KIF14: variants seen among roughly 807,000 people sequenced by gnomAD.
KIF14 encodes the protein kinesin family member 14, also known as kinesin-like protein KIF14.
KIF14 carries 98 observed loss-of-function variants against 176.2 expected under a neutral mutation model. The observed-to-expected ratio is 0.56, with a 90% CI of 0.47 to 0.66. The LOEUF (loss-of-function observed/expected upper bound fraction) is 0.66, where lower values mean the gene tolerates loss of function less well. KIF14 is among the 30% of genes least tolerant of loss of function. KIF14 has a pLI of 0.00. For synonymous variants in KIF14, 566 were observed against 632.2 expected (o/e 0.90, Z 1.57); for missense variants, 1,751 against 1,920.4 (o/e 0.91, Z 1.65).
In KIF14 at chr1:200,617,818, T is replaced by C. The variant is rs750703226; in HGVS notation, c.906A>G (p.Ser302=). The change falls in exon 2 of 30, where the codon TCA becomes TCG. Residue 302 remains serine (S), a synonymous_variant. Coordinates refer to ENST00000367350, the MANE Select transcript of KIF14 (RefSeq NM_014875.3). Reference sequence around the variant, plus strand: ...GGTTAGACATTCTATTCTTCAGTATTGATGGAGCTGGGCTCTTAAGCTGAG... The same window carrying C: ...GGTTAGACATTCTATTCTTCAGTATCGATGGAGCTGGGCTCTTAAGCTGAG... ...SLPQLKSPAP[S]ILKNRMSNLQ... 1 of 1,614,200 alleles carries C rather than the reference T, an allele frequency of 6.2e-7. No individual in the cohort carries two copies. The highest frequency in any genetic ancestry group is 8.5e-7 in the Non-Finnish European group (1 of 1,180,010).
Position 200,580,535 on chromosome 1 carries a change from A to G in KIF14, c.3336-152T>C, listed in dbSNP as rs1160367668. The G allele has an allele frequency of 3.2e-5, 12 of 377,928 alleles. No individual in the cohort carries two copies. In the East Asian group the frequency reaches 3.3e-4, roughly 10 times the overall value. The allele number at this position is 377,928 out of a possible 1,614,324, so 23.4% of individuals were successfully genotyped here. On this transcript the variant is annotated intron_variant, in intron 20 of 29. Coordinates refer to ENST00000367350, the MANE Select transcript of KIF14 (RefSeq NM_014875.3). Reference sequence around the variant, plus strand: ...GTATTTTTATTATAGTAATAATCATATAAGTATAAAACATATAAAAATAAC... The same window carrying G: ...GTATTTTTATTATAGTAATAATCATGTAAGTATAAAACATATAAAAATAAC...
At chr1:200,559,302 G>A in intron 27 of KIF14, 28 bp downstream of exon 27, 4 of 1,469,138 alleles carry the variant, frequency 2.7e-6, no homozygotes, top group Non-Finnish European at 3.7e-6. Context: ...ATTTAGTACT[G>A]TACAGAATAT....
At chr1:200,584,982 C>T (rs1245721008) in intron 19 of KIF14, among the ~76,000 whole-genome samples, 2 of 152,064 alleles carry the variant, frequency 1.3e-5, no homozygotes, top group African/African-American at 2.4e-5. Context: ...ATAAGCCAGA[C>T]ATAGAAAGAT....
intron 21 of KIF14, among the ~76,000 whole-genome samples, chr1:200,579,057 T>G (rs1004410152): frequency 1.3e-5 from 2 of 152,094 alleles, no homozygotes; most frequent in African/African-American, 4.8e-5. Flanking sequence ...GCCACTGCAC[T>G]CCAGCCTGGG....
At chr1:200,605,515 A>T (rs911621985) in intron 7 of KIF14, 125 bp from the exon 8 acceptor site, 9 of 575,560 alleles carry the variant, frequency 1.6e-5, no homozygotes, top group African/African-American at 5.8e-5. Context: ...TGATATAAAA[A>T]TTAAGAGAGA....
chr1:200,592,204 T>C lies in KIF14; in HGVS notation c.2689A>G (p.Arg897Gly). ...TGGACTTCTACTGGATGATTAAATC[T>C]AAAATAATGATCTCCACCAAGAATC... ...RVILGGDHYF[R>G]FNHPVEVQKG... Residue 897 changes from arginine to glycine, a missense_variant, in exon 16 of 30, where the codon AGA becomes GGA. By Grantham distance (125) the Arg-to-Gly change is moderately radical. Coordinates refer to ENST00000367350, the MANE Select transcript of KIF14 (RefSeq NM_014875.3). The C allele has an allele frequency of 6.2e-7, 1 of 1,613,828 alleles. No homozygotes were observed. The highest frequency in any genetic ancestry group is 8.5e-7 in the Non-Finnish European group (1 of 1,179,906).
At chr1:200,557,353 T>C (rs1159467750) in intron 27 of KIF14, among the ~76,000 whole-genome samples, 10 of 152,210 alleles carry the variant, frequency 6.6e-5, no homozygotes, top group Non-Finnish European at 2.9e-5. Context: ...GGCAGACATA[T>C]GTTGAGAAAA....
chr1:200,585,655 C>T (rs1377207187), intron 19 of KIF14, among the ~76,000 whole-genome samples: 3 of 152,136 alleles, frequency 2.0e-5, no homozygotes, highest in Non-Finnish European at 2.9e-5. Context: ...GTTCCAGCGT[C>T]GGTCAGGTTC....
rs144570298 is a variant in KIF14, at chr1:200,586,313, T to C, written c.3115-86A>G. The C allele has an allele frequency of 9.1e-6, 11 of 1,203,694 alleles. No individual in the cohort carries two copies. In the African/African-American group the frequency reaches 1.5e-4, roughly 17 times the overall value. The allele number at this position is 1,203,694 out of a possible 1,614,324, so 74.6% of individuals were successfully genotyped here. A position where few individuals can be genotyped will look rare whatever the true frequency, so the allele number is the denominator to read the frequency against. ...CACCACATTGAGATGATGGATATGT[T>C]AATTTGCTTCACTACAGTAACCATT... On this transcript the variant is annotated intron_variant, in intron 18 of 29. Transcript: ENST00000367350.
In KIF14 at chr1:200,553,752, A is replaced by G; in HGVS notation, c.4583T>C (p.Ile1528Thr). The G allele has an allele frequency of 2.5e-6, 4 of 1,602,862 alleles. No individual in the cohort carries two copies. The highest frequency in any genetic ancestry group is 3.4e-6 in the Non-Finnish European group (4 of 1,172,206). The change falls in exon 30 of 30, where the codon ATA becomes ACA. Residue 1528 changes from isoleucine (I) to threonine (T), a missense_variant. Transcript: ENST00000367350. ...ISALKGCHSD[I>T]NLLQTCVESI... is the part of the protein sequence containing the mutation. ...TTCAACACAAGTCTGGAGAAGATTT[A>G]TATCACTATGGCATCCTATATGCAA...
In KIF14 at chr1:200,603,843, A is replaced by G. The variant is rs1659745262; in HGVS notation, c.1859T>C (p.Leu620Pro). Residue 620 changes from leucine to proline, a missense_variant, in exon 9 of 30, where the codon CTA becomes CCA. Leu to Pro is a moderately conservative substitution (Grantham distance 98). Coordinates refer to ENST00000367350, the MANE Select transcript of KIF14 (RefSeq NM_014875.3). The stretch of plus-strand genomic sequence containing the variant: ...GAGAAAAAGCATTCCATTTACCTTT[A>G]GTCGATCTCCATTAGTGTGAGCCGT... ...CSTAHTNGDRLKEGVSINKSL... is the reference protein window; with the variant it reads ...CSTAHTNGDRPKEGVSINKSL... 6.4e-7 allele frequency: 1 copy of G among 1,574,740 alleles called. No individual in the cohort carries two copies. The highest frequency in any genetic ancestry group is 8.7e-7 in the Non-Finnish European group (1 of 1,144,626).
intron 14 of KIF14, among the ~76,000 whole-genome samples, chr1:200,596,892 T>C (rs569641880): frequency 1.6e-4 from 18 of 114,640 alleles, no homozygotes; most frequent in East Asian, 4.1e-4. Context: ...CTCTCTCTTT[T>C]TTTTTTTTTT....
intron 1 of KIF14, 66 bp from the exon 2 acceptor site, chr1:200,618,904 C>A: frequency 1.8e-6 from 1 of 545,704 alleles, no homozygotes; most frequent in Non-Finnish European, 3.2e-6. Flanking sequence ...ATAGAGAGAA[C>A]ATCCCATTGT....
At position 200,606,128 on chromosome 1, in the gene KIF14, G is replaced by A. The variant is rs10494822; in HGVS notation, c.1608-234C>T. ...GTATGATTTTTCTTAATACAATGAA[G>A]CACCTTAGCATCTTAATATTCAAGT... On this transcript the variant is annotated intron_variant, in intron 6 of 29. Transcript: ENST00000367350. 0.29 allele frequency among the ~76,000 whole-genome samples: 43,792 copies of A among 151,888 alleles called. 7,741 individuals are homozygous for A. Among genetic ancestry groups the A allele is most frequent in the Non-Finnish European group, 0.41 (27,636 of 67,864 alleles).
Position 200,559,345 on chromosome 1 carries a change from C to T in KIF14, c.4338G>A (p.Gln1446=). The change falls in exon 27 of 30, where the codon CAG becomes CAA. Residue 1446 remains glutamine, a synonymous_variant. Transcript: ENST00000367350. ...TTCATCTTACCTCATTTTTTGTACA[C>T]TGCCTAAAGAGTTCATGCTGAAGTT... The part of the protein sequence containing the change: ...AKELQHELFR[Q]CTKNEVTKEM... 1 of 1,565,658 alleles carries T rather than the reference C, an allele frequency of 6.4e-7. No homozygotes were observed. Among genetic ancestry groups the T allele is most frequent in the Non-Finnish European group, 8.6e-7 (1 of 1,156,946 alleles).
intron 15 of KIF14, 33 bp downstream of exon 15, chr1:200,593,632 AAC>A (rs1490854241): frequency 7.7e-7 from 1 of 1,292,662 alleles, no homozygotes; most frequent in South Asian, 1.2e-5. Context: ...TCCAAAGTCG[AAC>A]AGTTTCTTAT....
Position 200,575,640 on chromosome 1 carries a change from A to T in KIF14, c.3517T>A (p.Trp1173Arg). The T allele has an allele frequency of 6.3e-7, 1 of 1,593,000 alleles. No individual in the cohort carries two copies. Among genetic ancestry groups the T allele is most frequent in the Non-Finnish European group, 8.6e-7 (1 of 1,166,506 alleles). ...GGTGCATCTGTAATGTCGGGTTCCCATTCATCTTCAGGATCACAAAAGGCA... is the reference window on the plus strand; with the variant it reads ...GGTGCATCTGTAATGTCGGGTTCCCTTTCATCTTCAGGATCACAAAAGGCA... Reference protein sequence around the residue: ...EDAFCDPEDEWEPDITDAPVS... With the variant: ...EDAFCDPEDEREPDITDAPVS... The change falls in exon 22 of 30, where the codon TGG becomes AGG. Residue 1173 changes from tryptophan (W) to arginine (R), a missense_variant. Transcript: ENST00000367350.
intron 22 of KIF14, among the ~76,000 whole-genome samples, chr1:200,571,599 A>G (rs769119153): frequency 3.3e-5 from 5 of 152,192 alleles, no homozygotes; most frequent in Non-Finnish European, 5.9e-5. Context: ...TTGGCCACTC[A>G]AAGAAAAATA....
intron 17 of KIF14, among the ~76,000 whole-genome samples, chr1:200,589,843 G>A (rs1006389336): frequency 7.9e-5 from 12 of 151,650 alleles, no homozygotes; most frequent in Non-Finnish European, 1.0e-4. Context: ...TGGAGAGACC[G>A]GTTTCCCTAC....
Sources: gnomAD v4.1 joint callset for allele counts (sites outside exome capture counted in the v4.1 genomes callset) on GRCh38, gnomAD v4.1.1 for gene constraint, MANE v1.5 for transcripts, NCBI Gene and HGNC (gene_info 2026-07-23, HGNC 2026-07-21) for gene names.